Variants in CNGB3 observed in about 807,000 individuals in gnomAD.
CNGB3 encodes cyclic nucleotide-gated channel beta-3.
Under a neutral mutation model 92.8 loss-of-function variants are expected in CNGB3, and 86 were observed. The observed-to-expected ratio is 0.93, with a 90% CI of 0.78 to 1.11. The LOEUF (loss-of-function observed/expected upper bound fraction) is 1.11, where lower values mean the gene tolerates loss of function less well. CNGB3 is among the 50% of genes least tolerant of loss of function. The pLI, the probability that CNGB3 is intolerant of heterozygous loss-of-function variation, is 0.00. For synonymous variants in CNGB3, 333 were observed against 332.7 expected (o/e 1.00, Z -0.01); for missense variants, 1,026 against 956.8 (o/e 1.07, Z -0.95).
At chr8:86,599,861 A>G (rs1469555856) in intron 15 of CNGB3, among the ~76,000 whole-genome samples, 1 of 152,046 alleles carries the variant, frequency 6.6e-6, no homozygotes, top group African/African-American at 2.4e-5. Context: ...CCCTGCCTCC[A>G]TTTGGCTTGT....
At chr8:86,639,051 T>C (rs35560546) in intron 10 of CNGB3, among the ~76,000 whole-genome samples, 9,102 of 152,012 alleles carry the variant, frequency 0.06, 310 homozygotes, top group South Asian at 0.11. Context: ...ATCTGTAAAA[T>C]TGAGAAGGTG....
chr8:86,728,770 CAT>C (rs1825107982), intron 2 of CNGB3, among the ~76,000 whole-genome samples: 1 of 151,982 alleles, frequency 6.6e-6, no homozygotes. Flanking sequence ...ATTGTGTTCA[CAT>C]ATGTTTCTAG....
chr8:86,705,283 G>A (rs975715594), intron 3 of CNGB3, among the ~76,000 whole-genome samples: 2 of 151,884 alleles, frequency 1.3e-5, no homozygotes, highest in Non-Finnish European at 2.9e-5. Flanking sequence ...GTTTTGTTTG[G>A]TCCTTTACTG....
chr8:86,723,363 A>G (rs1345665661), intron 3 of CNGB3, among the ~76,000 whole-genome samples: 2 of 152,136 alleles, frequency 1.3e-5, no homozygotes, highest in East Asian at 3.9e-4. Context: ...AATCAATCAA[A>G]TACTTAATTT....
chr8:86,640,318 T>G (rs1297069433), intron 10 of CNGB3, among the ~76,000 whole-genome samples: 1 of 152,076 alleles, frequency 6.6e-6, no homozygotes, highest in Non-Finnish European at 1.5e-5. Context: ...TGGACTAAAC[T>G]CTTGCACTAG....
chr8:86,701,864 T>C (rs1431358332), intron 3 of CNGB3, among the ~76,000 whole-genome samples: 1 of 152,158 alleles, frequency 6.6e-6, no homozygotes, highest in Non-Finnish European at 1.5e-5. Context: ...TAAGTAGTTA[T>C]TATTGGGGAC....
intron 10 of CNGB3, among the ~76,000 whole-genome samples, chr8:86,637,845 C>T (rs969505409): frequency 1.3e-5 from 2 of 152,132 alleles, no homozygotes; most frequent in Non-Finnish European, 2.9e-5. Context: ...CTTGCCATCA[C>T]TTTAGAAAGT....
At chr8:86,647,155 T>C (rs373175467) in intron 8 of CNGB3, among the ~76,000 whole-genome samples, 7 of 151,226 alleles carry the variant, frequency 4.6e-5, no homozygotes, top group South Asian at 4.1e-4. Context: ...GTTTTTTCCA[T>C]ATCAGTACAT....
intron 7 of CNGB3, among the ~76,000 whole-genome samples, chr8:86,651,871 A>C (rs1244925601): frequency 6.6e-6 from 1 of 152,014 alleles, no homozygotes; most frequent in Non-Finnish European, 1.5e-5. Context: ...TCAGGTACAA[A>C]AATACAGTCA....
intron 15 of CNGB3, among the ~76,000 whole-genome samples, chr8:86,581,665 A>G (rs1821767890): frequency 6.6e-6 from 1 of 152,208 alleles, no homozygotes; most frequent in Non-Finnish European, 1.5e-5. Context: ...TGAATGTCAC[A>G]GCATTGGGAA....
At chr8:86,740,583 C>T (rs1264919121) in intron 1 of CNGB3, among the ~76,000 whole-genome samples, 1 of 152,044 alleles carries the variant, frequency 6.6e-6, no homozygotes, top group African/African-American at 2.4e-5. Context: ...TTGGATGGGA[C>T]AAAGGGTGAG....
At chr8:86,646,689 A>G (rs996777344) in intron 8 of CNGB3, among the ~76,000 whole-genome samples, 3 of 151,132 alleles carry the variant, frequency 2.0e-5, no homozygotes, top group African/African-American at 7.3e-5. Flanking sequence ...AAGATGCAAA[A>G]TAGATAATTA....
intron 3 of CNGB3, among the ~76,000 whole-genome samples, chr8:86,721,157 G>A (rs1297624160): frequency 6.6e-6 from 1 of 151,796 alleles, no homozygotes; most frequent in Non-Finnish European, 1.5e-5. Context: ...GTAGAGATGG[G>A]GTTTCACCAT....
chr8:86,599,755 C>A (rs1273209467), intron 15 of CNGB3, among the ~76,000 whole-genome samples: 1 of 152,194 alleles, frequency 6.6e-6, no homozygotes, highest in Admixed American at 6.5e-5. Context: ...TGCTCTCAAA[C>A]CCTGTCTCCT....
intron 10 of CNGB3, among the ~76,000 whole-genome samples, chr8:86,642,179 TCA>T (rs1444360729): frequency 6.6e-6 from 1 of 151,774 alleles, no homozygotes; most frequent in Non-Finnish European, 1.5e-5. Context: ...AGAAATAGCT[TCA>T]CTTTCTGGAA....
At chr8:86,619,274 T>C (rs540439553) in intron 13 of CNGB3, among the ~76,000 whole-genome samples, 1 of 152,188 alleles carries the variant, frequency 6.6e-6, no homozygotes, top group Non-Finnish European at 1.5e-5. Flanking sequence ...GCATTTAATA[T>C]GATAACATAT....
At chr8:86,656,976 A>C (rs1217695310) in intron 6 of CNGB3, among the ~76,000 whole-genome samples, 1 of 152,168 alleles carries the variant, frequency 6.6e-6, no homozygotes, top group East Asian at 1.9e-4. Context: ...TAGAATATGT[A>C]CACTGGGGAA....
rs780538842 is a variant in CNGB3, at chr8:86,668,205, G to A, written c.494-37C>T. On this transcript the variant is annotated intron_variant, in intron 4 of 17. Transcript: ENST00000320005. ...AAAAAAAAAAGATGAAACATTTGAAGAGGTTAAGTTAGTTTAGTTAAAAAC... is the reference window on the plus strand; with the variant it reads ...AAAAAAAAAAGATGAAACATTTGAAAAGGTTAAGTTAGTTTAGTTAAAAAC... 1.8e-5 allele frequency: 29 copies of A among 1,609,678 alleles called. 1 individual carries two copies. The South Asian group carries it at 2.8e-4, about 15-fold the overall frequency.
chr8:86,584,359 C>A (rs988061990), intron 15 of CNGB3, among the ~76,000 whole-genome samples: 1 of 152,072 alleles, frequency 6.6e-6, no homozygotes, highest in African/African-American at 2.4e-5. Context: ...TTAATTTGAA[C>A]CTGAGAATAT....
Sources: gnomAD v4.1 joint callset for allele counts (sites outside exome capture counted in the v4.1 genomes callset) on GRCh38, gnomAD v4.1.1 for gene constraint, MANE v1.5 for transcripts, NCBI Gene and HGNC (gene_info 2026-07-23, HGNC 2026-07-21) for gene names.